SRGAP3: variants seen among roughly 807,000 people sequenced by gnomAD.
SRGAP3 encodes the protein SLIT-ROBO Rho GTPase activating protein 3, also known as SLIT-ROBO Rho GTPase-activating protein 3.
A neutral mutation model predicts 121.1 loss-of-function variants in SRGAP3; 39 were observed. The observed-to-expected ratio is 0.32, with a 90% CI of 0.25 to 0.42. The LOEUF (loss-of-function observed/expected upper bound fraction) is 0.42, where lower values mean the gene tolerates loss of function less well. Among genes scored for constraint, SRGAP3 ranks in the 10% least tolerant of loss-of-function variants. The probability of loss-of-function intolerance (pLI) is 1.00; values close to 1 mark genes in which losing one functional copy is unlikely to be tolerated. For synonymous variants in SRGAP3, 601 were observed against 570.0 expected (o/e 1.05, Z -0.77); for missense variants, 1,213 against 1,470.6 (o/e 0.82, Z 2.86).
At chr3:9,151,532 G>A (rs1300106613) in intron 1 of SRGAP3, among the ~76,000 whole-genome samples, 1 of 152,218 alleles carries the variant, frequency 6.6e-6, no homozygotes, top group Non-Finnish European at 1.5e-5. Context: ...GGGTTGGAAA[G>A]GAGAGAATGA....
rs1945671291 is a variant in SRGAP3 at position 9,053,301 on chromosome 3, G to A, written c.1126-77C>T. The A allele has an allele frequency of 2.8e-6, 4 of 1,412,810 alleles. No individual in the cohort carries two copies. The Middle Eastern group carries it at 6.2e-4, about 218-fold the overall frequency. 87.5% of individuals were successfully genotyped at this position (1,412,810 alleles called of 1,614,324 possible). On this transcript the variant is annotated intron_variant, in intron 8 of 21. Transcript: ENST00000383836. ...GACACCTAAAGTCCCTTTCCCAGCTGTCACTTTACTTCTTCCATATGAAGT... is the reference window on the plus strand; with the variant it reads ...GACACCTAAAGTCCCTTTCCCAGCTATCACTTTACTTCTTCCATATGAAGT...
At chr3:9,209,298 T>A (rs1280630468) in intron 1 of SRGAP3, among the ~76,000 whole-genome samples, 1 of 152,148 alleles carries the variant, frequency 6.6e-6, no homozygotes, top group East Asian at 1.9e-4. Flanking sequence ...ATAAAAAAAT[T>A]CACAGTACAT....
intron 1 of SRGAP3, among the ~76,000 whole-genome samples, chr3:9,137,756 G>A (rs1024247959): frequency 1.3e-5 from 2 of 152,208 alleles, no homozygotes; most frequent in Non-Finnish European, 2.9e-5. Context: ...GGGAGGGAGA[G>A]AGGGTTTTCC....
In SRGAP3 at chr3:8,982,330, T is replaced by TC. The variant is rs1941460353; in HGVS notation, c.*3188dup. On this transcript the variant is annotated 3_prime_UTR_variant, in exon 22 of 22. Transcript: ENST00000383836. ...GTCAACTAACTGATCAGTACGGCTT[T>TC]CAATAATGGTGATGAACAAGTAGGT... The TC allele has an allele frequency of 4.4e-6, 1 of 227,816 alleles. No individual in the cohort carries two copies. The highest frequency in any genetic ancestry group is 2.2e-5 in the African/African-American group (1 of 45,024). The allele number at this position is 227,816 out of a possible 1,614,324, so 14.1% of individuals were successfully genotyped here.
chr3:9,018,176 A>T (rs1943732931), intron 14 of SRGAP3, among the ~76,000 whole-genome samples: 1 of 152,250 alleles, frequency 6.6e-6, no homozygotes, highest in African/African-American at 2.4e-5. Flanking sequence ...GCTGCAAATG[A>T]CATGATTTCA....
At chr3:9,057,063 C>CTGTT (rs569017386) in intron 7 of SRGAP3, among the ~76,000 whole-genome samples, 10 of 152,048 alleles carry the variant, frequency 6.6e-5, no homozygotes, top group Non-Finnish European at 1.3e-4. Flanking sequence ...TGTTTATTTG[C>CTGTT]TGTTTGTTTG....
intron 12 of SRGAP3, among the ~76,000 whole-genome samples, chr3:9,028,560 G>A (rs1944323541): frequency 6.6e-6 from 1 of 152,176 alleles, no homozygotes; most frequent in Non-Finnish European, 1.5e-5. Flanking sequence ...ACAAAAAGGA[G>A]AGAAATACAC....
At chr3:9,018,389 T>C (rs865886774) in intron 14 of SRGAP3, among the ~76,000 whole-genome samples, 2 of 152,246 alleles carry the variant, frequency 1.3e-5, no homozygotes, top group Admixed American at 6.5e-5. Context: ...GATTGCTGAA[T>C]GGTATGGTAG....
chr3:9,251,100 C>A (rs1954003858), upstream of SRGAP3, among the ~76,000 whole-genome samples: 7 of 152,206 alleles, frequency 4.6e-5, no homozygotes, highest in Admixed American at 4.6e-4. Flanking sequence ...TCCTAGAGGA[C>A]ATGGCAGCTG....
In SRGAP3 at chr3:9,056,245, T is replaced by G. The variant is rs774573003; in HGVS notation, c.1113A>C (p.Ile371=). ...GGGGCTCACTCACCTCCTCATTCTC[T>G]ATCTTGAGGGTGGCCAGTCTGGACT... The part of the protein sequence containing the change: ...QLQSRLATLK[I]ENEEVRKTLD... The change falls in exon 8 of 22, where the codon ATA becomes ATC. Residue 371 remains isoleucine (I), a synonymous_variant. Transcript: ENST00000383836. 2 of 1,614,064 alleles carry G rather than the reference T, an allele frequency of 1.2e-6. No homozygotes were observed. The highest frequency in any genetic ancestry group is 2.2e-5 in the South Asian group (2 of 91,082).
chr3:9,269,336 T>G (rs1237457723), intron 3 of SRGAP3, among the ~76,000 whole-genome samples: 1 of 152,166 alleles, frequency 6.6e-6, no homozygotes, highest in East Asian at 1.9e-4. Flanking sequence ...AGTGCTGTAT[T>G]ATGAGGCAAG....
chr3:8,992,743 C>A, intron 20 of SRGAP3, 163 bp downstream of exon 20: 1 of 1,264,558 alleles, frequency 7.9e-7, no homozygotes, highest in Non-Finnish European at 1.1e-6. Context: ...ACCTGGCCTT[C>A]TTGGGCCAAT....
chr3:9,014,151 C>T, intron 15 of SRGAP3: 1 of 441,458 alleles, frequency 2.3e-6, no homozygotes, highest in South Asian at 2.2e-5. Flanking sequence ...ACAGTGGGGG[C>T]CCCTGAGAGG....
intron 3 of SRGAP3, among the ~76,000 whole-genome samples, chr3:9,315,973 T>G (rs1955337665): frequency 6.6e-6 from 1 of 152,260 alleles, no homozygotes; most frequent in Non-Finnish European, 1.5e-5. Flanking sequence ...AATTTTGCTC[T>G]GTCAAATACT....
chr3:9,323,607 A>G (rs1208980306), intron 3 of SRGAP3, among the ~76,000 whole-genome samples: 1 of 151,842 alleles, frequency 6.6e-6, no homozygotes, highest in Non-Finnish European at 1.5e-5. Flanking sequence ...CTGGGATCCA[A>G]GGAAAACTAA....
intron 18 of SRGAP3, among the ~76,000 whole-genome samples, chr3:8,996,679 G>A (rs991346181): frequency 6.6e-6 from 1 of 152,226 alleles, no homozygotes; most frequent in Non-Finnish European, 1.5e-5. Flanking sequence ...TCTCTCTGCA[G>A]CATCTTTGAA....
At chr3:9,039,112 C>G (rs1227021845) in intron 10 of SRGAP3, among the ~76,000 whole-genome samples, 1 of 152,166 alleles carries the variant, frequency 6.6e-6, no homozygotes, top group African/African-American at 2.4e-5. Context: ...CAAGGATCTC[C>G]TTGAGGCTGA....
chr3:8,989,435 T>C (rs1437938664), intron 21 of SRGAP3, among the ~76,000 whole-genome samples: 1 of 152,234 alleles, frequency 6.6e-6, no homozygotes, highest in Admixed American at 6.5e-5. Flanking sequence ...GTGTTGTGTA[T>C]TCCCTGGGAA....
chr3:9,148,471 C>T (rs558117641), intron 1 of SRGAP3, among the ~76,000 whole-genome samples: 1 of 152,208 alleles, frequency 6.6e-6, no homozygotes, highest in Non-Finnish European at 1.5e-5. Context: ...TCTGGGGAGA[C>T]AGAGGAAGTG....
Sources: gnomAD v4.1 joint callset for allele counts (sites outside exome capture counted in the v4.1 genomes callset) on GRCh38, gnomAD v4.1.1 for gene constraint, MANE v1.5 for transcripts, NCBI Gene and HGNC (gene_info 2026-07-23, HGNC 2026-07-21) for gene names.